TTLL11: variants seen among roughly 807,000 people sequenced by gnomAD.
TTLL11 encodes the protein tubulin tyrosine ligase like 11, also known as tubulin polyglutamylase TTLL11.
A neutral mutation model predicts 51.7 loss-of-function variants in TTLL11; 42 were observed. That is an observed-to-expected ratio of 0.81 (90% CI 0.64 to 1.05). The LOEUF (loss-of-function observed/expected upper bound fraction) is 1.05, where lower values mean the gene tolerates loss of function less well. Among genes scored for constraint, TTLL11 ranks in the 50% least tolerant of loss-of-function variants. The probability of loss-of-function intolerance (pLI) is 0.00; values close to 1 mark genes in which losing one functional copy is unlikely to be tolerated. For synonymous variants in TTLL11, 381 were observed against 383.5 expected (o/e 0.99, Z 0.08); for missense variants, 799 against 940.4 (o/e 0.85, Z 1.97).
chr9:122,050,883 C>A (rs1195402345), intron 1 of TTLL11, among the ~76,000 whole-genome samples: 2 of 152,036 alleles, frequency 1.3e-5, no homozygotes, highest in Non-Finnish European at 2.9e-5. Context: ...GCGGCTCTGC[C>A]CAACAGCTTG....
intron 6 of TTLL11, among the ~76,000 whole-genome samples, chr9:121,940,937 T>C (rs747155642): frequency 6.6e-6 from 1 of 152,230 alleles, no homozygotes; most frequent in Non-Finnish European, 1.5e-5. Flanking sequence ...GCAGGAAAGC[T>C]GGAGGCTCCT....
intron 6 of TTLL11, among the ~76,000 whole-genome samples, chr9:121,905,139 G>T (rs966070897): frequency 2.0e-5 from 3 of 152,040 alleles, no homozygotes; most frequent in Non-Finnish European, 4.4e-5. Context: ...TTCTAATATT[G>T]TAATATTATA....
chr9:122,092,338 A>C (rs1846281380), intron 1 of TTLL11, among the ~76,000 whole-genome samples: 1 of 152,154 alleles, frequency 6.6e-6, no homozygotes, highest in African/African-American at 2.4e-5. Context: ...GAAGTGAGAG[A>C]GCGGGTCCGG....
chr9:121,942,891 C>A (rs1036211922), intron 6 of TTLL11, among the ~76,000 whole-genome samples: 1 of 152,124 alleles, frequency 6.6e-6, no homozygotes, highest in Non-Finnish European at 1.5e-5. Flanking sequence ...AACATCCCCT[C>A]ATTCAAGAAG....
chr9:121,959,253 G>A (rs888143085), intron 6 of TTLL11, among the ~76,000 whole-genome samples: 10 of 152,100 alleles, frequency 6.6e-5, no homozygotes, highest in Non-Finnish European at 1.2e-4. Context: ...ATTTGCCACC[G>A]AAATCACTTG....
At chr9:121,926,691 G>A (rs1840748671) in intron 6 of TTLL11, among the ~76,000 whole-genome samples, 1 of 152,220 alleles carries the variant, frequency 6.6e-6, no homozygotes, top group Non-Finnish European at 1.5e-5. Flanking sequence ...CACTTTGAGT[G>A]GTTCTTCCTC....
intron 1 of TTLL11, among the ~76,000 whole-genome samples, chr9:122,062,099 C>T (rs1023720214): frequency 6.6e-6 from 1 of 152,214 alleles, no homozygotes; most frequent in Non-Finnish European, 1.5e-5. Flanking sequence ...CCCATTGGGG[C>T]ACACCCTGGG....
rs1053738800 is a variant in TTLL11, at chr9:121,917,241, A to C, written c.1482-46493T>G. 3.6e-4 allele frequency among the ~76,000 whole-genome samples: 54 copies of C among 152,090 alleles called. 1 individual carries two copies. Among genetic ancestry groups the C allele is most frequent in the African/African-American group, 1.2e-3 (50 of 41,400 alleles). On this transcript the variant is annotated intron_variant, in intron 6 of 8. Coordinates refer to ENST00000321582, the MANE Select transcript of TTLL11 (RefSeq NM_001139442.2). ...CCAGTGCTTTTGAGAGGCCGAGGTA[A>C]GAGGATTGCTTGAGGCCAGAAGTTC...
At chr9:121,850,201 G>T (rs899370689) in intron 8 of TTLL11, among the ~76,000 whole-genome samples, 1 of 152,142 alleles carries the variant, frequency 6.6e-6, no homozygotes, top group Admixed American at 6.5e-5. Flanking sequence ...GATAGATACA[G>T]AGATAGATAT....
chr9:121,960,972 A>G (rs7850182), intron 6 of TTLL11, among the ~76,000 whole-genome samples: 11,795 of 152,208 alleles, frequency 0.077, 693 homozygotes, highest in African/African-American at 0.16. Context: ...AGGGCTCTTC[A>G]GCTGCTTAAA....
At chr9:122,088,357 G>A (rs1294627814) in intron 1 of TTLL11, among the ~76,000 whole-genome samples, 1 of 152,168 alleles carries the variant, frequency 6.6e-6, no homozygotes, top group Non-Finnish European at 1.5e-5. Context: ...CCTACACCAG[G>A]AGCTCCTGGA....
intron 3 of TTLL11, among the ~76,000 whole-genome samples, chr9:122,025,525 T>G (rs1200924241): frequency 6.6e-6 from 1 of 152,128 alleles, no homozygotes; most frequent in Non-Finnish European, 1.5e-5. Flanking sequence ...TCCAGCTACT[T>G]GGGAGGATCG....
chr9:121,826,491 ATATGTGTGTG>A (rs1564260315), intron 8 of TTLL11, among the ~76,000 whole-genome samples: 3 of 65,016 alleles, frequency 4.6e-5, no homozygotes, highest in African/African-American at 2.1e-4. Flanking sequence ...GTATATATAT[ATATGTGTGTG>A]TATATATATA....
chr9:122,059,946 C>A (rs1413179182), intron 1 of TTLL11, among the ~76,000 whole-genome samples: 2 of 152,324 alleles, frequency 1.3e-5, no homozygotes, highest in South Asian at 2.1e-4. Flanking sequence ...CTCCCCACAG[C>A]TGCTTGTCAT....
intron 6 of TTLL11, among the ~76,000 whole-genome samples, chr9:121,881,858 C>T (rs1424354074): frequency 6.6e-6 from 1 of 152,124 alleles, no homozygotes. Context: ...CTGGTTAAAC[C>T]ACACAGAGAC....
chr9:122,093,178 C>T lies in TTLL11; in HGVS notation c.-30G>A, dbSNP rs996873519. On this transcript the variant is annotated 5_prime_UTR_variant, in exon 1 of 9. The change creates a premature stop within an existing upstream ORF in the 5' untranslated region. Transcript: ENST00000321582. ...CTCAGGGCCGGGGCCAGTGCCAGTG[C>T]CACCGCCGCCGCCGCCGCCGCTCCG... The T allele has an allele frequency of 8.0e-6, 12 of 1,490,938 alleles. No homozygotes were observed. Among genetic ancestry groups the T allele is most frequent in the African/African-American group, 2.9e-5 (2 of 68,196 alleles). 92.4% of individuals were successfully genotyped at this position (1,490,938 alleles called of 1,614,324 possible).
At chr9:121,847,681 C>G (rs1334654320) in intron 8 of TTLL11, among the ~76,000 whole-genome samples, 2 of 152,128 alleles carry the variant, frequency 1.3e-5, no homozygotes, top group Non-Finnish European at 2.9e-5. Context: ...AAAAAGAAAG[C>G]ACCATGCCAG....
chr9:121,866,516 C>A (rs575672341), intron 7 of TTLL11, among the ~76,000 whole-genome samples: 2 of 151,782 alleles, frequency 1.3e-5, no homozygotes, highest in Admixed American at 6.6e-5. Flanking sequence ...AAAAATTAGC[C>A]GGGCATGGTG....
Position 121,923,442 on chromosome 9 carries a change from T to A in TTLL11, c.1481+50567A>T, listed in dbSNP as rs182703094. Among the ~76,000 whole-genome samples the A allele has an allele frequency of 4.6e-3, 699 of 151,864 alleles. 6 individuals carry two copies. Among genetic ancestry groups the A allele is most frequent in the African/African-American group, 0.016 (666 of 41,118 alleles). On this transcript the variant is annotated intron_variant, in intron 6 of 8. Transcript: ENST00000321582. ...GTTGGAGTATTTTTTTCCATTTTTT[T>A]CAATTTTGTTTTTAACATAACCATT...
Sources: gnomAD v4.1 joint callset for allele counts (sites outside exome capture counted in the v4.1 genomes callset) on GRCh38, gnomAD v4.1.1 for gene constraint, MANE v1.5 for transcripts, NCBI Gene and HGNC (gene_info 2026-07-23, HGNC 2026-07-21) for gene names.